TRMT44: variants seen among roughly 807,000 people sequenced by gnomAD.
TRMT44 encodes probable tRNA (uracil-O(2)-)-methyltransferase.
Under a neutral mutation model 77.3 loss-of-function variants are expected in TRMT44, and 78 were observed. That is an observed-to-expected ratio of 1.01 (90% confidence interval 0.84 to 1.22). The LOEUF is 1.22. TRMT44 is among the 50% of genes most tolerant of loss of function. The pLI is 0.00. For synonymous variants in TRMT44, 391 were observed against 383.3 expected, an observed-to-expected ratio of 1.02 and a Z score of -0.23; for missense variants, 1,090 against 964.4, an observed-to-expected ratio of 1.13 and a Z score of -1.73.
the TRMT44 span, among the ~76,000 whole-genome samples, chr4:8,516,021 C>G: frequency 2.6e-5 from 4 of 152,170 alleles, no homozygotes; most frequent in Non-Finnish European, 4.4e-5. Flanking sequence ...GTCTCTCCCC[C>G]ACGACAAGAT....
chr4:8,442,398 C>G (rs947548926), intron 1 of TRMT44, among the ~76,000 whole-genome samples: 1 of 152,184 alleles, frequency 6.6e-6, no homozygotes, highest in East Asian at 1.9e-4. Context: ...TTTTACTGCC[C>G]GTGACCTTGA....
downstream of TRMT44, among the ~76,000 whole-genome samples, chr4:8,493,744 C>T (rs771781509): frequency 6.6e-6 from 1 of 152,000 alleles, no homozygotes; most frequent in Admixed American, 6.6e-5. Flanking sequence ...TTCCATTGGT[C>T]GCCTTGCTTT....
chr4:8,468,728 C>T (rs114999761), intron 9 of TRMT44, among the ~76,000 whole-genome samples: 148 of 152,280 alleles, frequency 9.7e-4, no homozygotes, highest in African/African-American at 3.3e-3. Context: ...TGTTGTGATT[C>T]GATAATTTAA....
At chr4:8,458,767 A>G (rs941372287) in intron 6 of TRMT44, among the ~76,000 whole-genome samples, 2 of 152,018 alleles carry the variant, frequency 1.3e-5, no homozygotes, top group Non-Finnish European at 2.9e-5. Flanking sequence ...GATTTTCTTA[A>G]TAACATTTTC....
rs146916284 is a variant in TRMT44 at position 8,470,129 on chromosome 4, G to T, written c.1928-955G>T. Among the ~76,000 whole-genome samples the T allele has an allele frequency of 6.4e-4, 97 of 152,372 alleles. No individual in the cohort carries two copies. In the East Asian group the frequency reaches 0.018, roughly 28 times the overall value. On this transcript the variant is annotated intron_variant, in intron 9 of 10. Transcript: ENST00000389737. ...GGGCCAGAGCCGGGGCAACAGGGAA[G>T]GCTGACTGGGACAATATGTGATCTT...
chr4:8,458,808 A>G (rs759359242), intron 6 of TRMT44, among the ~76,000 whole-genome samples: 70 of 152,242 alleles, frequency 4.6e-4, no homozygotes, highest in Middle Eastern at 3.4e-3. Flanking sequence ...ATAGTATATA[A>G]TACACAAAAT....
At chr4:8,485,875 T>G (rs911012380) in intron 2 of TRMT44, among the ~76,000 whole-genome samples, 2 of 151,832 alleles carry the variant, frequency 1.3e-5, no homozygotes, top group African/African-American at 4.8e-5. Flanking sequence ...CCCACAACAG[T>G]TATTGGGGCG....
At chr4:8,481,838 C>T (rs1269637981) in intron 2 of TRMT44, among the ~76,000 whole-genome samples, 2 of 152,252 alleles carry the variant, frequency 1.3e-5, no homozygotes, top group African/African-American at 2.4e-5. Flanking sequence ...CCTGTGATAA[C>T]AGGGCTGCTT....
At chr4:8,454,841 A>G (rs1725697302) in intron 6 of TRMT44, 28 bp downstream of exon 6, 13 of 1,606,942 alleles carry the variant, frequency 8.1e-6, no homozygotes, top group Non-Finnish European at 1.1e-5. Flanking sequence ...CATGCCCTTG[A>G]TCTCAGCATG....
chr4:8,485,008 CTTG>C (rs1295651248), intron 2 of TRMT44, among the ~76,000 whole-genome samples: 1 of 152,098 alleles, frequency 6.6e-6, no homozygotes, highest in Non-Finnish European at 1.5e-5. Flanking sequence ...AGAAGTGTGT[CTTG>C]TTGAGAAGAT....
rs1725306620 is a variant in TRMT44, at chr4:8,449,795, G to GAGTGA, written c.862_866dup (p.Asp289GlufsTer14). On this transcript the variant is annotated frameshift_variant, in exon 3 of 11. Transcript: ENST00000389737. LOFTEE classifies it high-confidence loss of function. ...CCAAGTGGTCTGTAGAGAACAAGAA[G>GAGTGA]AGTGACTTTAAAAGCACCCTTTCCC... 1 of 1,535,994 alleles carries GAGTGA rather than the reference G, an allele frequency of 6.5e-7. No homozygotes were observed. Among genetic ancestry groups the GAGTGA allele is most frequent in the Non-Finnish European group, 8.7e-7 (1 of 1,146,878 alleles).
chr4:8,466,320 C>T (rs965374627), intron 8 of TRMT44, among the ~76,000 whole-genome samples: 2 of 151,134 alleles, frequency 1.3e-5, no homozygotes. Flanking sequence ...GTGGTGCACT[C>T]GGGCTGATCG....
chr4:8,474,842 G>A (rs1040446077), intron 10 of TRMT44, among the ~76,000 whole-genome samples: 9 of 152,140 alleles, frequency 5.9e-5, no homozygotes, highest in South Asian at 2.1e-4. Flanking sequence ...TTTGGGCGGC[G>A]GGGTCAGGAG....
At chr4:8,514,331 T>G in the TRMT44 span, among the ~76,000 whole-genome samples, 2 of 146,276 alleles carry the variant, frequency 1.4e-5, no homozygotes, top group Non-Finnish European at 3.0e-5. Flanking sequence ...CTCGGCTCAC[T>G]GCACCCTCTG....
intron 1 of TRMT44, among the ~76,000 whole-genome samples, chr4:8,445,629 C>T (rs138370188): frequency 3.5e-4 from 54 of 152,350 alleles, no homozygotes; most frequent in African/African-American, 1.3e-3. Context: ...CTAGGGAGGA[C>T]TTCCCTGGCC....
chr4:8,443,545 T>C (rs987366132), intron 1 of TRMT44, among the ~76,000 whole-genome samples: 1 of 152,204 alleles, frequency 6.6e-6, no homozygotes, highest in African/African-American at 2.4e-5. Context: ...ATTTGTAAAA[T>C]AGGATAATAA....
intron 2 of TRMT44, among the ~76,000 whole-genome samples, chr4:8,448,813 C>T (rs1474738356): frequency 9.2e-5 from 14 of 152,250 alleles, no homozygotes; most frequent in Admixed American, 8.5e-4. Context: ...CCATTGTCCC[C>T]TCCAGTGGGG....
At chr4:8,479,939 G>A (rs1029324889), downstream of TRMT44, among the ~76,000 whole-genome samples, 3 of 151,858 alleles carry the variant, frequency 2.0e-5, no homozygotes, top group Non-Finnish European at 2.9e-5. Flanking sequence ...GTGTAGTGGC[G>A]CCATCTCGGC....
the TRMT44 span, among the ~76,000 whole-genome samples, chr4:8,500,717 C>T: frequency 0.055 from 8,242 of 150,388 alleles, 379 homozygotes; most frequent in African/African-American, 0.13. Context: ...AGTGCAGTGG[C>T]GTTGACCTTG....
Sources: gnomAD v4.1 joint callset for allele counts (sites outside exome capture counted in the v4.1 genomes callset) on GRCh38, gnomAD v4.1.1 for gene constraint, MANE v1.5 for transcripts, NCBI Gene and HGNC (gene_info 2026-07-23, HGNC 2026-07-21) for gene names.